The following PCDHA2 variants were observed in gnomAD, a reference collection of about 807,000 sequenced individuals.
The protein encoded by PCDHA2 is protocadherin alpha-2.
PCDHA2 carries 58 observed loss-of-function variants against 66.0 expected under a neutral mutation model. That is an observed-to-expected ratio of 0.88 (90% confidence interval 0.71 to 1.09). The LOEUF (loss-of-function observed/expected upper bound fraction) is 1.09, where lower values mean the gene tolerates loss of function less well. Among genes scored for constraint, PCDHA2 ranks in the 50% least tolerant of loss-of-function variants. The pLI is 0.00. For missense variants in PCDHA2, 1,267 were observed against 1,242.3 expected (o/e 1.02, Z -0.30); for synonymous variants, 634 against 554.0 (o/e 1.14, Z -2.03).
intron 1 of PCDHA2, chr5:140,835,006 T>A: frequency 7.2e-7 from 1 of 1,393,804 alleles, no homozygotes; most frequent in Non-Finnish European, 9.7e-7. Context: ...ACTCCGGAGC[T>A]TCATTTATTG....
At chr5:140,948,897 T>G (rs1487067374) in intron 1 of PCDHA2, among the ~76,000 whole-genome samples, 4 of 151,680 alleles carry the variant, frequency 2.6e-5, no homozygotes, top group Non-Finnish European at 5.9e-5. Flanking sequence ...AGATTTTAAG[T>G]GGATTCTTAG....
rs1368694746 is a variant in PCDHA2, at chr5:140,870,609, G to T, written c.2388+73257G>T. ...TGGAGCGGCGGTTGGGCGACCGCGC[G>T]CTGTCGAGCTACGTGTCGGTGCACG... On this transcript the variant is annotated intron_variant, in intron 1 of 3. Coordinates refer to ENST00000526136, the MANE Select transcript of PCDHA2 (RefSeq NM_018905.3). The T allele has an allele frequency of 5.0e-6, 8 of 1,613,114 alleles. No homozygotes were observed. In the East Asian group the frequency reaches 1.8e-4, roughly 36 times the overall value.
chr5:140,967,980 A>G (rs1554230169), intron 1 of PCDHA2: 1 of 1,614,198 alleles, frequency 6.2e-7, no homozygotes, highest in African/African-American at 1.3e-5. Context: ...CTGGGTCTGG[A>G]GGCCACACTG....
intron 1 of PCDHA2, chr5:140,802,005 G>C (rs1301585258): frequency 6.8e-6 from 11 of 1,614,080 alleles, no homozygotes; most frequent in Non-Finnish European, 9.3e-6. Flanking sequence ...CACCGATTTG[G>C]ATGAAGGAGT....
At chr5:140,969,347 G>C (rs1554231707) in intron 1 of PCDHA2, 1 of 1,613,472 alleles carries the variant, frequency 6.2e-7, no homozygotes, top group South Asian at 1.1e-5. Context: ...ACAGTGGTCA[G>C]GGGGTCTTCT....
chr5:140,871,191 C>T lies in PCDHA2; in HGVS notation c.2388+73839C>T, dbSNP rs370303558. 1.9e-6 allele frequency: 3 copies of T among 1,613,656 alleles called. 1 individual carries two copies. In the South Asian group the frequency reaches 3.3e-5, roughly 18 times the overall value. On this transcript the variant is annotated intron_variant, in intron 1 of 3. Coordinates refer to ENST00000526136, the MANE Select transcript of PCDHA2 (RefSeq NM_018905.3). ...CAGAGGCTGCGCTGGTGGATGTCAA[C>T]GTGTACCTGATCATCGCCATCTGCG...
chr5:140,856,028 G>T, intron 1 of PCDHA2: 1 of 1,560,948 alleles, frequency 6.4e-7, no homozygotes, highest in East Asian at 2.3e-5. Flanking sequence ...TCGTCGATTT[G>T]TAAAACAAGA....
At chr5:140,970,442 A>G (rs1003756532) in intron 1 of PCDHA2, among the ~76,000 whole-genome samples, 3 of 152,182 alleles carry the variant, frequency 2.0e-5, no homozygotes, top group Non-Finnish European at 4.4e-5. Flanking sequence ...TAGTATATGC[A>G]CTAGTTTTGA....
At chr5:140,858,235 A>T (rs2045286318) in intron 1 of PCDHA2, 1 of 1,596,218 alleles carries the variant, frequency 6.3e-7, no homozygotes, top group African/African-American at 1.3e-5. Flanking sequence ...CCGAGGGCGC[A>T]TGTGGGCCGG....
intron 1 of PCDHA2, among the ~76,000 whole-genome samples, chr5:140,902,333 T>C (rs1248113110): frequency 6.6e-6 from 1 of 151,758 alleles, no homozygotes; most frequent in Non-Finnish European, 1.5e-5. Context: ...TCACTTCGCC[T>C]GGCCTAGGAA....
intron 1 of PCDHA2, among the ~76,000 whole-genome samples, chr5:140,894,005 G>A (rs1365314012): frequency 6.6e-6 from 1 of 152,072 alleles, no homozygotes; most frequent in Non-Finnish European, 1.5e-5. Context: ...TGTATGGTTG[G>A]TTCAAATTAC....
chr5:140,802,304 C>A (rs1554122016), intron 1 of PCDHA2: 2 of 1,614,232 alleles, frequency 1.2e-6, no homozygotes, highest in Admixed American at 1.7e-5. Context: ...GCACAGTCAT[C>A]GCTCTGATCA....
In PCDHA2 at chr5:140,863,213, A is replaced by C. The variant is rs1554157955; in HGVS notation, c.2388+65861A>C. 2.9e-6 allele frequency: 3 copies of C among 1,051,332 alleles called. No individual in the cohort carries two copies. The South Asian group carries it at 3.7e-5, about 13-fold the overall frequency. The allele number at this position is 1,051,332 out of a possible 1,614,324, so 65.1% of individuals were successfully genotyped here. On this transcript the variant is annotated intron_variant, in intron 1 of 3. Transcript: ENST00000526136. ...GTGGCGTCGCTGGCGGAGAGCAGCC[A>C]AGCGAGGAAGGTCCCATCGCGGGCT... is the stretch of plus-strand genomic sequence containing the variant.
At position 141,010,067 on chromosome 5, in the gene PCDHA2, G is replaced by C; in HGVS notation, c.*130G>C. 6.2e-7 allele frequency: 1 copy of C among 1,604,516 alleles called. No homozygotes were observed. The highest frequency in any genetic ancestry group is 1.1e-5 in the South Asian group (1 of 89,502). ...TAGAGACCTCAGAAATCTGCAGAAA[G>C]TTCCCTGTGTCTGTCTAGAACGCAT... On this transcript the variant is annotated 3_prime_UTR_variant, in exon 4 of 4. Coordinates refer to ENST00000526136, the MANE Select transcript of PCDHA2 (RefSeq NM_018905.3).
chr5:140,927,015 G>A, intron 1 of PCDHA2: 1 of 1,612,466 alleles, frequency 6.2e-7, no homozygotes. Context: ...ATCTCTCCGC[G>A]GACTTGAGGC....
chr5:140,843,735 G>T (rs1554140393), intron 1 of PCDHA2: 1 of 1,548,324 alleles, frequency 6.5e-7, no homozygotes, highest in African/African-American at 1.4e-5. Context: ...TTTAAATTTA[G>T]AACTCATAAA....
chr5:140,800,679 T>C (rs1033813866), intron 1 of PCDHA2, among the ~76,000 whole-genome samples: 62 of 152,314 alleles, frequency 4.1e-4, no homozygotes, highest in African/African-American at 1.5e-3. Context: ...GCGAATAATA[T>C]TAAAACTTAT....
rs1032045343 is a variant in PCDHA2 at position 140,949,549 on chromosome 5, G to A, written c.2389-29400G>A. On this transcript the variant is annotated intron_variant, in intron 1 of 3. Transcript: ENST00000526136. Reference sequence around the variant, plus strand: ...CTTCATAAAATATCGATTTGTTGCTGGTCATACTTTTTTTCTTGTAGTAGC... The same window carrying A: ...CTTCATAAAATATCGATTTGTTGCTAGTCATACTTTTTTTCTTGTAGTAGC... Among the ~76,000 whole-genome samples the A allele has an allele frequency of 2.0e-5, 3 of 151,684 alleles. No homozygotes were observed. In the South Asian group the frequency reaches 6.2e-4, roughly 31 times the overall value.
At chr5:140,827,775 G>T (rs1350103739) in intron 1 of PCDHA2, among the ~76,000 whole-genome samples, 1 of 152,106 alleles carries the variant, frequency 6.6e-6, no homozygotes, top group Non-Finnish European at 1.5e-5. Flanking sequence ...AAAGAAGTCG[G>T]GATAACACTG....
Sources: allele counts gnomAD v4.1 joint callset (sites outside exome capture counted in the v4.1 genomes callset), GRCh38; gene constraint gnomAD v4.1.1; transcripts MANE v1.5; gene names NCBI Gene and HGNC (gene_info 2026-07-23, HGNC 2026-07-21).